Variants in CEP89 observed in about 807,000 individuals in gnomAD.
CEP89 encodes the protein centrosomal protein of 89 kDa.
CEP89 carries 95 observed loss-of-function variants against 97.6 expected under a neutral mutation model. The observed-to-expected ratio is 0.97, with a 90% CI of 0.82 to 1.15. The LOEUF (loss-of-function observed/expected upper bound fraction) is 1.15. CEP89 is among the 50% of genes most tolerant of loss of function. The probability of loss-of-function intolerance (pLI) is 0.00; values close to 1 mark genes in which losing one functional copy is unlikely to be tolerated. For missense variants in CEP89, 869 were observed against 947.7 expected, an observed-to-expected ratio of 0.92 and a Z score of 1.09; for synonymous variants, 354 against 349.1, an observed-to-expected ratio of 1.01 and a Z score of -0.16.
intron 3 of CEP89, among the ~76,000 whole-genome samples, chr19:32,959,222 G>A (rs537904816): frequency 5.3e-5 from 8 of 151,622 alleles, no homozygotes; most frequent in African/African-American, 1.2e-4. Context: ...GCCCCATCTC[G>A]CATCCCAAAC....
At chr19:32,930,876 T>A (rs1970458439) in intron 9 of CEP89, among the ~76,000 whole-genome samples, 1 of 143,974 alleles carries the variant, frequency 6.9e-6, no homozygotes, top group South Asian at 2.2e-4. Flanking sequence ...TTCATTCTTT[T>A]ACTTTTGTTA....
rs1312958877 is a variant in CEP89 at position 32,971,884 on chromosome 19, G to C, written c.-10C>G. On this transcript the variant is annotated 5_prime_UTR_variant, in exon 1 of 19. Coordinates refer to ENST00000305768, the MANE Select transcript of CEP89 (RefSeq NM_032816.5). ...GAAATCCCAGGAGCATCCTTGCAGC[G>C]CGAGGAGAATGGACCGGGGCCTGGA... 1.9e-6 allele frequency: 3 copies of C among 1,586,144 alleles called. No individual in the cohort carries two copies. The highest frequency in any genetic ancestry group is 1.7e-6 in the Non-Finnish European group (2 of 1,164,828).
Position 32,922,167 on chromosome 19 carries a change from C to T in CEP89, c.1268+1272G>A, listed in dbSNP as rs142038860. Reference sequence around the variant, plus strand: ...GAGTTCACAAAGGAGAAGATGGAGGCAGATGTGGAGGCAGACAGGATAGGC... The same window carrying T: ...GAGTTCACAAAGGAGAAGATGGAGGTAGATGTGGAGGCAGACAGGATAGGC... On this transcript the variant is annotated intron_variant, in intron 12 of 18. Coordinates refer to ENST00000305768, the MANE Select transcript of CEP89 (RefSeq NM_032816.5). Among the ~76,000 whole-genome samples, 152 of 152,214 alleles carry T rather than the reference C, an allele frequency of 1.0e-3. 1 individual carries two copies. Among genetic ancestry groups the T allele is most frequent in the African/African-American group, 3.4e-3 (141 of 41,530 alleles).
intron 9 of CEP89, among the ~76,000 whole-genome samples, chr19:32,927,671 C>T (rs1317460611): frequency 2.0e-5 from 3 of 152,006 alleles, no homozygotes; most frequent in Admixed American, 2.0e-4. Flanking sequence ...GTGGTGAGAT[C>T]ATGGCTCACT....
Position 32,939,784 on chromosome 19 carries a change from T to C in CEP89, c.624+73A>G. The stretch of plus-strand genomic sequence containing the variant: ...GCCAAAGTTTCAACACCAAAGTTGT[T>C]GAAAATTTATGAAAAATTATGATAA... On this transcript the variant is annotated intron_variant, in intron 6 of 18. Coordinates refer to ENST00000305768, the MANE Select transcript of CEP89 (RefSeq NM_032816.5). The C allele has an allele frequency of 4.0e-6, 3 of 743,098 alleles. No homozygotes were observed. In the South Asian group the frequency reaches 5.0e-5, roughly 12 times the overall value. 46.0% of individuals were successfully genotyped at this position (743,098 alleles called of 1,614,324 possible). A position where few individuals can be genotyped will look rare whatever the true frequency, so the allele number is the denominator to read the frequency against.
In CEP89 at chr19:32,901,328, C is replaced by G. The variant is rs762653161; in HGVS notation, c.1650G>C (p.Lys550Asn). The G allele has an allele frequency of 6.2e-7, 1 of 1,614,190 alleles. No individual in the cohort carries two copies. ...EKLTVLQAQK[K>N]SLLLEKNSLT... Reference sequence around the variant, plus strand: ...AACTGTTCTTCTCTAACAGCAGGCTCTTCTTCTGCGCTTGCAGGACTGTCA... The same window carrying G: ...AACTGTTCTTCTCTAACAGCAGGCTGTTCTTCTGCGCTTGCAGGACTGTCA... The change falls in exon 15 of 19, where the codon AAG becomes AAC. Residue 550 changes from lysine to asparagine, a missense_variant. Coordinates refer to ENST00000305768, the MANE Select transcript of CEP89 (RefSeq NM_032816.5).
chr19:32,894,640 T>C (rs893078960), intron 16 of CEP89, among the ~76,000 whole-genome samples: 3 of 152,224 alleles, frequency 2.0e-5, no homozygotes, highest in African/African-American at 7.2e-5. Flanking sequence ...TATATGCTAA[T>C]TATACATGTG....
intron 16 of CEP89, among the ~76,000 whole-genome samples, chr19:32,897,760 C>G (rs1162769444): frequency 6.6e-6 from 1 of 152,106 alleles, no homozygotes; most frequent in Non-Finnish European, 1.5e-5. Flanking sequence ...CAGGTTCTCC[C>G]TATCTTGCCC....
At chr19:32,898,521 CA>C (rs1969692076) in intron 16 of CEP89, among the ~76,000 whole-genome samples, 1 of 152,114 alleles carries the variant, frequency 6.6e-6, no homozygotes, top group African/African-American at 2.4e-5. Flanking sequence ...CTAAAGTTAA[CA>C]ACAAAGTATT....
intron 11 of CEP89, among the ~76,000 whole-genome samples, chr19:32,925,142 T>G (rs1007098776): frequency 6.6e-6 from 1 of 152,068 alleles, no homozygotes; most frequent in Non-Finnish European, 1.5e-5. Context: ...CCCTCCCAGC[T>G]CAGGATCCCA....
intron 2 of CEP89, 22 bp from the exon 3 acceptor site, chr19:32,960,080 G>A: frequency 6.2e-7 from 1 of 1,613,506 alleles, no homozygotes; most frequent in Non-Finnish European, 8.5e-7. Context: ...AACATCCCAT[G>A]GAGACAGTGA....
In CEP89 at chr19:32,901,297, C is replaced by G. The variant is rs1280070194; in HGVS notation, c.1681G>C (p.Glu561Gln). Reference sequence around the variant, plus strand: ...TCGGCTTCCAGTGCTTTGTTTTGCTCTGTCAAACTGTTCTTCTCTAACAGC... The same window carrying G: ...TCGGCTTCCAGTGCTTTGTTTTGCTGTGTCAAACTGTTCTTCTCTAACAGC... ...SLLLEKNSLT[E>Q]QNKALEAELE... The change falls in exon 15 of 19, where the codon GAG becomes CAG. Residue 561 changes from glutamate (E) to glutamine (Q), a missense_variant. Transcript: ENST00000305768. 2 of 1,614,180 alleles carry G rather than the reference C, an allele frequency of 1.2e-6. No individual in the cohort carries two copies. The highest frequency in any genetic ancestry group is 4.5e-5 in the East Asian group (2 of 44,888).
rs565356037 is a variant in CEP89, at chr19:32,927,124, C to T, written c.1030-140G>A. 3.3e-5 allele frequency: 22 copies of T among 676,904 alleles called. No individual in the cohort carries two copies. The Admixed American group carries it at 3.7e-4, about 11-fold the overall frequency. The allele number at this position is 676,904 out of a possible 1,614,324, so 41.9% of individuals were successfully genotyped here. ...TCCATCTGCCTACCCACCCACCTAC[C>T]CACCTACCCATCCATCCATCCATCC... On this transcript the variant is annotated intron_variant, in intron 9 of 18. Coordinates refer to ENST00000305768, the MANE Select transcript of CEP89 (RefSeq NM_032816.5).
chr19:32,931,695 CGT>C (rs933056037), intron 8 of CEP89, 124 bp from the exon 9 acceptor site: 16 of 706,298 alleles, frequency 2.3e-5, no homozygotes, highest in Non-Finnish European at 3.4e-5. Flanking sequence ...ACTGTGTGTG[CGT>C]GTGTGTCTGT....
intron 5 of CEP89, 25 bp from the exon 6 acceptor site, chr19:32,939,910 T>G (rs12461782): frequency 0.52 from 582,355 of 1,126,692 alleles, 152,115 homozygotes; most frequent in East Asian, 0.64. Context: ...GAGAGAGAGA[T>G]AAACTTTTAA....
intron 3 of CEP89, among the ~76,000 whole-genome samples, chr19:32,958,100 TA>T (rs1423295451): frequency 6.6e-6 from 1 of 151,814 alleles, no homozygotes; most frequent in African/African-American, 2.4e-5. Context: ...CTTACGTGCT[TA>T]TTTTTTCCAC....
intron 3 of CEP89, among the ~76,000 whole-genome samples, chr19:32,958,058 C>T (rs1448532918): frequency 1.3e-5 from 2 of 150,458 alleles, no homozygotes; most frequent in Non-Finnish European, 1.5e-5. Context: ...TAGTCCAGCA[C>T]TCCTGTGGGT....
rs112595996 is a variant in CEP89 at position 32,910,699 on chromosome 19, A to T, written c.1565+4638T>A. On this transcript the variant is annotated intron_variant, in intron 14 of 18. Coordinates refer to ENST00000305768, the MANE Select transcript of CEP89 (RefSeq NM_032816.5). ...TTTTTAAACTTTCTACACATTTTTT[A>T]AAAAAATGAAGAACAAATGCCACAG... 3.5e-3 allele frequency among the ~76,000 whole-genome samples: 528 copies of T among 152,160 alleles called. 1 individual carries two copies. The highest frequency in any genetic ancestry group is 0.012 in the African/African-American group (489 of 41,508).
intron 5 of CEP89, among the ~76,000 whole-genome samples, chr19:32,945,771 G>A (rs537404360): frequency 1.3e-4 from 20 of 152,294 alleles, no homozygotes; most frequent in African/African-American, 4.6e-4. Flanking sequence ...CCAAGGAGCT[G>A]GGATTACAAA....
Sources: gnomAD v4.1 joint callset for allele counts (sites outside exome capture counted in the v4.1 genomes callset) on GRCh38, gnomAD v4.1.1 for gene constraint, MANE v1.5 for transcripts, NCBI Gene and HGNC (gene_info 2026-07-23, HGNC 2026-07-21) for gene names.